ADORA1: variants seen among roughly 807,000 people sequenced by gnomAD.
The protein encoded by ADORA1 is adenosine receptor A1.
A neutral mutation model predicts 19.9 loss-of-function variants in ADORA1; 6 were observed. That is an observed-to-expected ratio of 0.30 (90% CI 0.17 to 0.59). The LOEUF is 0.59. Among genes scored for constraint, ADORA1 ranks in the 20% least tolerant of loss-of-function variants. The probability of loss-of-function intolerance (pLI) is 0.87; values close to 1 mark genes in which losing one functional copy is unlikely to be tolerated. For missense variants in ADORA1, 302 were observed against 439.2 expected (o/e 0.69, Z 2.79); for synonymous variants, 194 against 188.4 (o/e 1.03, Z -0.24).
At chr1:203,137,955 C>T (rs1654563321) in intron 3 of ADORA1, among the ~76,000 whole-genome samples, 1 of 152,180 alleles carries the variant, frequency 6.6e-6, no homozygotes, top group Admixed American at 6.5e-5. Context: ...TGCCAAGATT[C>T]ATCCCTGTTA....
Position 203,128,172 on chromosome 1 carries a change from C to T in ADORA1, c.-212-106C>T, listed in dbSNP as rs573776057. The T allele has an allele frequency of 6.6e-6, 3 of 455,782 alleles. No individual in the cohort carries two copies. The highest frequency in any genetic ancestry group is 1.1e-5 in the Non-Finnish European group (3 of 272,718). The allele number at this position is 455,782 out of a possible 1,614,324, so 28.2% of individuals were successfully genotyped here. Reference sequence around the variant, plus strand: ...CCCCAGCCTTGTCCTGGGCTCCGTCCCCAGACCCACGTCTGCCACCCCAGT... The same window carrying T: ...CCCCAGCCTTGTCCTGGGCTCCGTCTCCAGACCCACGTCTGCCACCCCAGT... On this transcript the variant is annotated intron_variant, in intron 1 of 3. Transcript: ENST00000337894. This position sits in a 1 kb window ranked among gnomAD's most constrained non-coding sequence, Gnocchi z 5.9.
chr1:203,161,712 C>T (rs1350832656), intron 3 of ADORA1, among the ~76,000 whole-genome samples: 2 of 152,006 alleles, frequency 1.3e-5, no homozygotes, highest in East Asian at 3.9e-4. Context: ...GCTGGGATTA[C>T]AAGCATGCAC....
chr1:203,131,411 T>C (rs1268790527), intron 3 of ADORA1, among the ~76,000 whole-genome samples: 1 of 152,242 alleles, frequency 6.6e-6, no homozygotes, highest in East Asian at 1.9e-4. Flanking sequence ...TTCTTCAGAA[T>C]GCCCAGCTCA....
At chr1:203,136,277 C>T (rs181186576) in intron 3 of ADORA1, among the ~76,000 whole-genome samples, 14 of 152,226 alleles carry the variant, frequency 9.2e-5, no homozygotes, top group Non-Finnish European at 1.3e-4. Context: ...TTGGCATACA[C>T]GTCCTCTTAG....
At chr1:203,133,209 G>A (rs1654397779) in intron 3 of ADORA1, among the ~76,000 whole-genome samples, 1 of 151,906 alleles carries the variant, frequency 6.6e-6, no homozygotes, top group Non-Finnish European at 1.5e-5. Context: ...CACCTCCCAG[G>A]TTCAAGCGAT....
At chr1:203,143,394 C>T (rs58895103) in intron 3 of ADORA1, among the ~76,000 whole-genome samples, 11,253 of 152,266 alleles carry the variant, frequency 0.074, 641 homozygotes, top group East Asian at 0.33. Context: ...CAAATGCCAT[C>T]AGCATAAGAA....
chr1:203,151,735 G>A (rs1342738232), intron 3 of ADORA1, among the ~76,000 whole-genome samples: 1 of 152,132 alleles, frequency 6.6e-6, no homozygotes, highest in African/African-American at 2.4e-5. Context: ...TGTTAATGGT[G>A]GAGTCACAGT....
intron 3 of ADORA1, among the ~76,000 whole-genome samples, chr1:203,146,981 T>A (rs985637677): frequency 7.9e-5 from 12 of 152,204 alleles, no homozygotes; most frequent in African/African-American, 2.9e-4. Context: ...AGGGAGACCC[T>A]CTCTGCCACC....
At position 203,127,735 on chromosome 1, in the gene ADORA1, C is replaced by T. The variant is rs1021090217; in HGVS notation, c.-406C>T. ...GCGGAGCCCGATTGTCACTCAGCTC[C>T]TGCGCCGGGGGCGACAGAGCCGCAG... On this transcript the variant is annotated 5_prime_UTR_variant, in exon 1 of 4. Transcript: ENST00000337894. The T allele has an allele frequency of 9.2e-5, 14 of 152,426 alleles. No individual in the cohort carries two copies. The highest frequency in any genetic ancestry group is 3.9e-4 in the Admixed American group (6 of 15,312). 9.4% of individuals were successfully genotyped at this position (152,426 alleles called of 1,614,324 possible).
chr1:203,158,847 C>T (rs1655274699), intron 3 of ADORA1, among the ~76,000 whole-genome samples: 1 of 152,156 alleles, frequency 6.6e-6, no homozygotes, highest in Non-Finnish European at 1.5e-5. Context: ...GGACAAAGAG[C>T]ACACTCCCTA....
chr1:203,153,481 A>G (rs1346173272), intron 3 of ADORA1, among the ~76,000 whole-genome samples: 1 of 152,194 alleles, frequency 6.6e-6, no homozygotes, highest in Non-Finnish European at 1.5e-5. Context: ...TCCAAGGCCC[A>G]TTACACTAAT....
chr1:203,150,649 T>A, intron 3 of ADORA1: 1 of 1,289,772 alleles, frequency 7.8e-7, no homozygotes, highest in South Asian at 1.2e-5. Context: ...AAGTGGTGTC[T>A]TCTTGAGTTC....
At chr1:203,156,200 T>TATAG (rs1039342431) in intron 3 of ADORA1, among the ~76,000 whole-genome samples, 1 of 151,974 alleles carries the variant, frequency 6.6e-6, no homozygotes, top group African/African-American at 2.4e-5. Context: ...ATAATAAATG[T>TATAG]ATAGATAGAT....
At chr1:203,152,962 A>C (rs184783308) in intron 3 of ADORA1, among the ~76,000 whole-genome samples, 1 of 152,302 alleles carries the variant, frequency 6.6e-6, no homozygotes, top group East Asian at 1.9e-4. Context: ...AGAGGCAAAT[A>C]TACTTTGAAA....
intron 3 of ADORA1, among the ~76,000 whole-genome samples, chr1:203,138,491 A>G (rs1231737876): frequency 1.3e-5 from 2 of 152,236 alleles, no homozygotes; most frequent in Admixed American, 6.5e-5. Flanking sequence ...AGAACTCCAG[A>G]CATAGGAAGA....
chr1:203,129,190 C>G lies in ADORA1; in HGVS notation c.341+8C>G, dbSNP rs767221044. ...GGTCAAGATCCCTCTCCGGTGAGTC[C>G]ACAGCGCCGAAGGTACTCGCAGCAC... is the stretch of plus-strand genomic sequence containing the variant. On this transcript the variant is annotated splice_region_variant and intron_variant, in intron 3 of 3. Coordinates refer to ENST00000337894, the MANE Select transcript of ADORA1 (RefSeq NM_000674.3). The G allele has an allele frequency of 6.2e-7, 1 of 1,603,388 alleles. No individual in the cohort carries two copies. Among genetic ancestry groups the G allele is most frequent in the South Asian group, 1.1e-5 (1 of 88,994 alleles).
At chr1:203,135,465 C>A (rs1352545830) in intron 3 of ADORA1, among the ~76,000 whole-genome samples, 1 of 152,108 alleles carries the variant, frequency 6.6e-6, no homozygotes, top group Non-Finnish European at 1.5e-5. Flanking sequence ...TCAAGACCAT[C>A]TTGGCCAGCA....
intron 3 of ADORA1, among the ~76,000 whole-genome samples, chr1:203,157,892 C>T (rs1290639115): frequency 6.6e-6 from 1 of 152,230 alleles, no homozygotes; most frequent in Non-Finnish European, 1.5e-5. Context: ...TGCCGAGGTC[C>T]TGCCTGGTGT....
Position 203,128,130 on chromosome 1 carries a change from G to A in ADORA1, c.-212-148G>A, listed in dbSNP as rs554044572. The A allele has an allele frequency of 8.8e-6, 3 of 340,324 alleles. No individual in the cohort carries two copies. Among genetic ancestry groups the A allele is most frequent in the African/African-American group, 2.2e-5 (1 of 45,730 alleles). The allele number at this position is 340,324 out of a possible 1,614,324, so 21.1% of individuals were successfully genotyped here. A position where few individuals can be genotyped will look rare whatever the true frequency, so the allele number is the denominator to read the frequency against. On this transcript the variant is annotated intron_variant, in intron 1 of 3. Coordinates refer to ENST00000337894, the MANE Select transcript of ADORA1 (RefSeq NM_000674.3). This position sits in a 1 kb window ranked among gnomAD's most constrained non-coding sequence, Gnocchi z 5.9. ...GCGCAGGGCAGGTGCGGGCACGCTG[G>A]GGAATAGGGAGAAACGCCCCAGCCT...
Sources: gnomAD v4.1 joint callset for allele counts (sites outside exome capture counted in the v4.1 genomes callset) on GRCh38, gnomAD v4.1.1 for gene constraint, Gnocchi (gnomAD v3.1) non-coding constraint, MANE v1.5 for transcripts, NCBI Gene and HGNC (gene_info 2026-07-23, HGNC 2026-07-21) for gene names.